NOXRED1: variants seen among roughly 807,000 people sequenced by gnomAD.
The protein encoded by NOXRED1 is NADP-dependent oxidoreductase domain-containing protein 1.
In NOXRED1, 20 loss-of-function variants were observed where a neutral mutation model predicts 30.4. That is an observed-to-expected ratio of 0.66 (90% CI 0.46 to 0.96). NOXRED1 has a LOEUF of 0.96. Among genes scored for constraint, NOXRED1 ranks in the 40% least tolerant of loss-of-function variants. The pLI is 0.00. For missense variants in NOXRED1, 374 were observed against 428.0 expected (o/e 0.87, Z 1.11); for synonymous variants, 155 against 168.0 (o/e 0.92, Z 0.60).
intron 2 of NOXRED1, among the ~76,000 whole-genome samples, chr14:77,411,069 C>A (rs958903683): frequency 6.6e-6 from 1 of 152,038 alleles, no homozygotes; most frequent in Non-Finnish European, 1.5e-5. Context: ...TTTGTAATAG[C>A]CAGAAACTGC....
Position 77,422,942 on chromosome 14 carries a change from T to A in NOXRED1, c.-53A>T. The A allele has an allele frequency of 6.6e-7, 1 of 1,513,310 alleles. No homozygotes were observed. The highest frequency in any genetic ancestry group is 1.4e-5 in the African/African-American group (1 of 72,264). 93.7% of individuals were successfully genotyped at this position (1,513,310 alleles called of 1,614,324 possible). ...AGACACTAATCAATTTGGCTCCCTG[T>A]CCCGGTAGAAGAGGGGTCTATGTAG... On this transcript the variant is annotated 5_prime_UTR_variant, in exon 1 of 6. Coordinates refer to ENST00000380835, the MANE Select transcript of NOXRED1 (RefSeq NM_001113475.3).
At chr14:77,415,631 T>TAGAC (rs543991068) in intron 1 of NOXRED1, among the ~76,000 whole-genome samples, 10,094 of 141,204 alleles carry the variant, frequency 0.071, 431 homozygotes, top group Admixed American at 0.13. Context: ...GATAGATAGA[T>TAGAC]AGACAGACAG....
At chr14:77,419,042 T>C (rs1894910477) in intron 1 of NOXRED1, among the ~76,000 whole-genome samples, 1 of 151,986 alleles carries the variant, frequency 6.6e-6, no homozygotes, top group Admixed American at 6.6e-5. Context: ...TTTTTTGTTG[T>C]TGTTTATCTG....
At chr14:77,400,860 T>C (rs1894307144) in intron 5 of NOXRED1, among the ~76,000 whole-genome samples, 1 of 152,128 alleles carries the variant, frequency 6.6e-6, no homozygotes, top group South Asian at 2.1e-4. Context: ...AATACTTAGG[T>C]ATAAATCAAA....
Position 77,412,086 on chromosome 14 carries a change from G to A in NOXRED1, c.349+1848C>T, listed in dbSNP as rs1270448123. On this transcript the variant is annotated intron_variant, in intron 2 of 5. Coordinates refer to ENST00000380835, the MANE Select transcript of NOXRED1 (RefSeq NM_001113475.3). Reference sequence around the variant, plus strand: ...GATCTGCACTCCAGCCTAGGTGACAGAGCAAGACTCAGTCTAAAAAAAAAA... The same window carrying A: ...GATCTGCACTCCAGCCTAGGTGACAAAGCAAGACTCAGTCTAAAAAAAAAA... 3.5e-5 allele frequency among the ~76,000 whole-genome samples: 4 copies of A among 114,874 alleles called. No homozygotes were observed. In the South Asian group the frequency reaches 1.1e-3, roughly 33 times the overall value. The allele number at this position is 114,874 out of a possible 152,430, so 75.4% of individuals were successfully genotyped here.
Position 77,422,841 on chromosome 14 carries a change from G to C in NOXRED1, c.49C>G (p.Pro17Ala), listed in dbSNP as rs1594884370. The C allele has an allele frequency of 1.9e-6, 3 of 1,613,840 alleles. No individual in the cohort carries two copies. The East Asian group carries it at 6.7e-5, about 36-fold the overall frequency. Reference protein sequence around the residue: ...LESLQFEYGVPEEDRIWLYLQ... With the variant: ...LESLQFEYGVAEEDRIWLYLQ... ...TACAGCCAGATACGATCTTCCTCTGGAACCCCATACTCAAACTGCAGGGAC... is the reference window on the plus strand; with the variant it reads ...TACAGCCAGATACGATCTTCCTCTGCAACCCCATACTCAAACTGCAGGGAC... Residue 17 changes from proline (P) to alanine (A), a missense_variant, in exon 1 of 6, where the codon CCA becomes GCA. Pro to Ala is a conservative substitution (Grantham distance 27). Transcript: ENST00000380835.
chr14:77,411,653 G>A (rs192530829), intron 2 of NOXRED1, among the ~76,000 whole-genome samples: 2 of 152,260 alleles, frequency 1.3e-5, no homozygotes, highest in East Asian at 3.9e-4. Context: ...CTTCAGGGAA[G>A]TGGACAGAAA....
At chr14:77,406,626 CACACACACAGAGAG>C (rs745326873) in intron 4 of NOXRED1, 84 bp downstream of exon 4, 104 of 386,626 alleles carry the variant, frequency 2.7e-4, no homozygotes, top group African/African-American at 2.7e-3. Context: ...CACACACACA[CACACACACAGAGAG>C]AGAGAGATTG....
Position 77,406,727 on chromosome 14 carries a change from C to T in NOXRED1, c.679G>A (p.Ala227Thr). The T allele has an allele frequency of 6.2e-7, 1 of 1,614,002 alleles. No individual in the cohort carries two copies. ...ILQATCPYSP[A>T]GGIILNIKWL... ...CAGAAATATGTTGAGCCGTGACCAGCAGGACTGTAGGGACAGGTAGCTTGA... is the reference window on the plus strand; with the variant it reads ...CAGAAATATGTTGAGCCGTGACCAGTAGGACTGTAGGGACAGGTAGCTTGA... Residue 227 changes from alanine (A) to threonine (T), a missense_variant, in exon 4 of 6, where the codon GCT becomes ACT. Transcript: ENST00000380835.
rs141189280 is a variant in NOXRED1 at position 77,407,535 on chromosome 14, C to T, written c.460G>A (p.Val154Ile). ...CLPSQLPNIC[V>I]EIYTSLEKAS... ...TTCTCAAGGCTGGTGTAAATTTCTA[C>T]GCAGATATTAGGCAGCTGAGACGGC... Residue 154 changes from valine (V) to isoleucine (I), a missense_variant, in exon 3 of 6, where the codon GTA becomes ATA. Val to Ile is a conservative substitution (Grantham distance 29). Coordinates refer to ENST00000380835, the MANE Select transcript of NOXRED1 (RefSeq NM_001113475.3). The T allele has an allele frequency of 8.5e-3, 13,799 of 1,613,930 alleles. 94 individuals carry two copies. Among genetic ancestry groups the T allele is most frequent in the Middle Eastern group, 0.034 (206 of 6,062 alleles).
At chr14:77,396,748 A>C (rs12101153) in intron 5 of NOXRED1, among the ~76,000 whole-genome samples, 80,737 of 152,006 alleles carry the variant, frequency 0.53, 23,333 homozygotes, top group African/African-American at 0.75. Flanking sequence ...CATGTACAAG[A>C]CTTGCATAAT....
chr14:77,407,414 A>G (rs1433078830), intron 3 of NOXRED1, 51 bp downstream of exon 3: 10 of 1,372,690 alleles, frequency 7.3e-6, no homozygotes, highest in South Asian at 3.6e-5. Flanking sequence ...GAAGTCAGAG[A>G]TAAGGAGACA....
intron 1 of NOXRED1, among the ~76,000 whole-genome samples, chr14:77,415,435 T>C (rs2139693278): frequency 6.6e-6 from 1 of 152,180 alleles, no homozygotes; most frequent in African/African-American, 2.4e-5. Context: ...CCCAGCATGA[T>C]GGTGTAAACC....
chr14:77,403,863 CA>C (rs1566707378), intron 5 of NOXRED1, among the ~76,000 whole-genome samples: 1 of 152,072 alleles, frequency 6.6e-6, no homozygotes, highest in African/African-American at 2.4e-5. Flanking sequence ...CTCTCAGTAG[CA>C]ACTCTAGAAG....
intron 1 of NOXRED1, among the ~76,000 whole-genome samples, 155 bp from the exon 2 acceptor site, chr14:77,414,282 C>T (rs1164486051): frequency 2.0e-5 from 3 of 151,608 alleles, no homozygotes; most frequent in African/African-American, 4.8e-5. Context: ...CCCAGGTTCA[C>T]GCCATTCTCC....
chr14:77,423,824 A>G (rs941314328), upstream of NOXRED1, among the ~76,000 whole-genome samples: 6 of 152,196 alleles, frequency 3.9e-5, no homozygotes, highest in Admixed American at 2.0e-4. Context: ...CAAGAAACCA[A>G]TAAAATTTTT....
intron 2 of NOXRED1, among the ~76,000 whole-genome samples, chr14:77,409,704 TATA>T (rs1447217428): frequency 6.6e-6 from 1 of 152,224 alleles, no homozygotes; most frequent in African/African-American, 2.4e-5. Context: ...ATTTTACAAC[TATA>T]ATTTTATTCT....
upstream of NOXRED1, among the ~76,000 whole-genome samples, chr14:77,424,166 C>T (rs1895069498): frequency 6.6e-6 from 1 of 152,216 alleles, no homozygotes; most frequent in Non-Finnish European, 1.5e-5. Flanking sequence ...AAAGCAAAGT[C>T]TCACCCTGGC....
chr14:77,402,354 C>T (rs1443647853), intron 5 of NOXRED1, among the ~76,000 whole-genome samples: 1 of 152,222 alleles, frequency 6.6e-6, no homozygotes, highest in Non-Finnish European at 1.5e-5. Flanking sequence ...AGCCGGGCGC[C>T]ATGGCTCACG....
Sources: gnomAD v4.1 joint callset for allele counts (sites outside exome capture counted in the v4.1 genomes callset) on GRCh38, gnomAD v4.1.1 for gene constraint, MANE v1.5 for transcripts, NCBI Gene and HGNC (gene_info 2026-07-23, HGNC 2026-07-21) for gene names.